FMNL2: variants seen among roughly 807,000 people sequenced by gnomAD.
The protein encoded by FMNL2 is formin like 2.
FMNL2 carries 51 observed loss-of-function variants against 130.2 expected under a neutral mutation model. The observed-to-expected ratio is 0.39, with a 90% CI of 0.31 to 0.49. The LOEUF is 0.49. FMNL2 is among the 20% of genes least tolerant of loss of function. The pLI is 0.85. For missense variants in FMNL2, 977 were observed against 1,316.2 expected, an observed-to-expected ratio of 0.74 and a Z score of 3.99; for synonymous variants, 465 against 467.1, an observed-to-expected ratio of 1.00 and a Z score of 0.06.
chr2:152,564,292 C>T (rs977466004), intron 6 of FMNL2, among the ~76,000 whole-genome samples: 1 of 151,658 alleles, frequency 6.6e-6, no homozygotes, highest in African/African-American at 2.4e-5. Flanking sequence ...TTTAATCTCC[C>T]GATAATAAGA....
chr2:152,360,113 G>A (rs966662602), intron 1 of FMNL2, among the ~76,000 whole-genome samples: 1 of 152,144 alleles, frequency 6.6e-6, no homozygotes, highest in African/African-American at 2.4e-5. Flanking sequence ...TATCCTGTCA[G>A]AAAAGAGAAA....
intron 25 of FMNL2, among the ~76,000 whole-genome samples, chr2:152,642,625 G>T (rs1052954130): frequency 6.6e-6 from 1 of 152,204 alleles, no homozygotes; most frequent in Non-Finnish European, 1.5e-5. Flanking sequence ...ACCAGGAGCA[G>T]AGCTCCTTCC....
intron 23 of FMNL2, among the ~76,000 whole-genome samples, chr2:152,638,624 G>C (rs1682822063): frequency 2.0e-5 from 3 of 152,204 alleles, no homozygotes; most frequent in Admixed American, 2.0e-4. Flanking sequence ...GCTATAAGCT[G>C]CTGGTAGAAG....
intron 1 of FMNL2, among the ~76,000 whole-genome samples, chr2:152,354,108 T>C (rs943924371): frequency 2.6e-5 from 4 of 152,234 alleles, no homozygotes; most frequent in African/African-American, 9.6e-5. Context: ...ATTGGGCTAT[T>C]CCATTTCAGA....
chr2:152,619,773 C>T lies in FMNL2; in HGVS notation c.1837+55C>T, dbSNP rs142225372. 6.0e-4 allele frequency: 933 copies of T among 1,564,588 alleles called. 6 individuals carry two copies. The African/African-American group carries it at 0.011, about 19-fold the overall frequency. On this transcript the variant is annotated intron_variant, in intron 15 of 25. Transcript: ENST00000288670. ...TCATATCAGAAATGCTGTCTTATCT[C>T]GGAGAGTTGAAGCTATTCTTTCAAA...
chr2:152,647,082 G>GTTTAT, intron 25 of FMNL2, among the ~76,000 whole-genome samples: 1 of 152,040 alleles, frequency 6.6e-6, no homozygotes, highest in South Asian at 2.1e-4. Flanking sequence ...AATATTGGGT[G>GTTTAT]GTAGAGCTCG....
At chr2:152,532,460 C>T (rs1693754634) in intron 2 of FMNL2, among the ~76,000 whole-genome samples, 1 of 152,074 alleles carries the variant, frequency 6.6e-6, no homozygotes, top group Non-Finnish European at 1.5e-5. Context: ...TTTTTATGGG[C>T]ATATGGCAGT....
intron 17 of FMNL2, 132 bp downstream of exon 17, chr2:152,626,859 C>A: frequency 1.1e-6 from 1 of 940,166 alleles, no homozygotes; most frequent in African/African-American, 1.7e-5. Flanking sequence ...TTTTTGATAT[C>A]CACACTTGAG....
chr2:152,412,191 G>A (rs1245445059), intron 1 of FMNL2, among the ~76,000 whole-genome samples: 1 of 151,476 alleles, frequency 6.6e-6, no homozygotes, highest in African/African-American at 2.4e-5. Flanking sequence ...TATTGTCTTC[G>A]AGCACTTGGC....
rs1020380407 is a variant in FMNL2, at chr2:152,335,550, C to G, written c.-54C>G. The G allele has an allele frequency of 4.7e-6, 7 of 1,480,770 alleles. No homozygotes were observed. In the African/African-American group the frequency reaches 1.0e-4, roughly 22 times the overall value. 91.7% of individuals were successfully genotyped at this position (1,480,770 alleles called of 1,614,324 possible). A position where few individuals can be genotyped will look rare whatever the true frequency, so the allele number is the denominator to read the frequency against. ...CGACCGCCGGGAGCTGTTCTGATTTCCGACGCGCACGCTAGGGGCCCGGAG... is the reference window on the plus strand; with the variant it reads ...CGACCGCCGGGAGCTGTTCTGATTTGCGACGCGCACGCTAGGGGCCCGGAG... On this transcript the variant is annotated 5_prime_UTR_variant, in exon 1 of 26. Coordinates refer to ENST00000288670, the MANE Select transcript of FMNL2 (RefSeq NM_052905.4).
chr2:152,439,696 T>C (rs7582905), intron 1 of FMNL2, among the ~76,000 whole-genome samples: 23,719 of 150,990 alleles, frequency 0.16, 3,293 homozygotes, highest in African/African-American at 0.35. Flanking sequence ...TCTTTGATCC[T>C]GAAGACATCA....
At chr2:152,401,107 A>G (rs749598559) in intron 1 of FMNL2, among the ~76,000 whole-genome samples, 3 of 152,236 alleles carry the variant, frequency 2.0e-5, no homozygotes, top group Non-Finnish European at 2.9e-5. Context: ...ATTTCATTGT[A>G]GCTCTCAACA....
intron 1 of FMNL2, among the ~76,000 whole-genome samples, chr2:152,478,967 T>C (rs1160633665): frequency 1.3e-5 from 2 of 152,164 alleles, no homozygotes; most frequent in Non-Finnish European, 2.9e-5. Context: ...TCAAGAAGAA[T>C]AACAAATAAG....
chr2:152,528,268 G>A (rs191887854), intron 2 of FMNL2, among the ~76,000 whole-genome samples: 1 of 152,180 alleles, frequency 6.6e-6, no homozygotes, highest in Non-Finnish European at 1.5e-5. Context: ...ATAGGGTAAC[G>A]AATAGATGCT....
intron 1 of FMNL2, among the ~76,000 whole-genome samples, chr2:152,504,019 G>T (rs536951591): frequency 6.6e-6 from 1 of 152,076 alleles, no homozygotes; most frequent in Non-Finnish European, 1.5e-5. Flanking sequence ...ACAAAATTCC[G>T]TTCTCTACTA....
At chr2:152,607,216 A>G (rs1698420090) in intron 9 of FMNL2, 123 bp from the exon 10 acceptor site, 2 of 777,326 alleles carry the variant, frequency 2.6e-6, no homozygotes, top group Non-Finnish European at 4.3e-6. Context: ...AGGGAAGTAA[A>G]TAGTTTATGA....
intron 25 of FMNL2, among the ~76,000 whole-genome samples, chr2:152,644,212 C>A (rs974180639): frequency 3.9e-5 from 6 of 152,128 alleles, no homozygotes; most frequent in Non-Finnish European, 7.3e-5. Context: ...CAGAGTGAGA[C>A]CCTGTCTCAA....
At chr2:152,603,561 T>A (rs1327915274) in intron 9 of FMNL2, among the ~76,000 whole-genome samples, 1 of 150,832 alleles carries the variant, frequency 6.6e-6, no homozygotes, top group Non-Finnish European at 1.5e-5. Context: ...AGGCTAGTGA[T>A]GTGTTTTTTG....
intron 5 of FMNL2, among the ~76,000 whole-genome samples, chr2:152,560,086 T>C (rs1446012856): frequency 2.6e-5 from 4 of 152,200 alleles, no homozygotes; most frequent in African/African-American, 7.2e-5. Flanking sequence ...CCTGAGGATA[T>C]TAAGTGTAGC....
Sources: allele counts gnomAD v4.1 joint callset (sites outside exome capture counted in the v4.1 genomes callset), GRCh38; gene constraint gnomAD v4.1.1; transcripts MANE v1.5; gene names NCBI Gene and HGNC (gene_info 2026-07-23, HGNC 2026-07-21).